The following ATE1 variants were observed in gnomAD, a reference collection of about 807,000 sequenced individuals.
ATE1 encodes arginyl-tRNA--protein transferase 1.
Under a neutral mutation model 70.5 loss-of-function variants are expected in ATE1, and 36 were observed. That is an observed-to-expected ratio of 0.51 (90% CI 0.39 to 0.67). ATE1 has a LOEUF of 0.67. ATE1 is among the 30% of genes least tolerant of loss of function. ATE1 has a pLI of 0.00. For synonymous variants in ATE1, 232 were observed against 219.3 expected, an observed-to-expected ratio of 1.06 and a Z score of -0.51; for missense variants, 593 against 629.5, an observed-to-expected ratio of 0.94 and a Z score of 0.62.
chr10:121,779,426 A>G (rs1280445270), intron 11 of ATE1, among the ~76,000 whole-genome samples: 3 of 152,168 alleles, frequency 2.0e-5, no homozygotes, highest in African/African-American at 7.2e-5. Flanking sequence ...CTTCAATGGA[A>G]AGAGAAAAGG....
intron 10 of ATE1, among the ~76,000 whole-genome samples, chr10:121,794,288 T>C (rs1376583395): frequency 6.6e-6 from 1 of 152,196 alleles, no homozygotes; most frequent in Non-Finnish European, 1.5e-5. Flanking sequence ...TTTTACTTAA[T>C]TGTTCTAGGA....
At chr10:121,763,665 T>C (rs1385760471) in intron 11 of ATE1, among the ~76,000 whole-genome samples, 1 of 152,146 alleles carries the variant, frequency 6.6e-6, no homozygotes, top group Non-Finnish European at 1.5e-5. Context: ...CTCTGTAGGA[T>C]ACACGTCATA....
rs558803213 is a variant in ATE1 at position 121,918,552 on chromosome 10, T to C, written c.233+3797A>G. Among the ~76,000 whole-genome samples, 20 of 152,278 alleles carry C rather than the reference T, an allele frequency of 1.3e-4. No individual in the cohort carries two copies. The East Asian group carries it at 3.9e-3, about 29-fold the overall frequency. On this transcript the variant is annotated intron_variant, in intron 3 of 11. Coordinates refer to ENST00000224652, the MANE Select transcript of ATE1 (RefSeq NM_001001976.3). Reference sequence around the variant, plus strand: ...TTCTTTAACCAATCGAAATCACCCTTTTCTGATCACAGATTAAGCCAATCA... The same window carrying C: ...TTCTTTAACCAATCGAAATCACCCTCTTCTGATCACAGATTAAGCCAATCA...
chr10:121,837,641 T>C (rs998686052), intron 9 of ATE1, among the ~76,000 whole-genome samples: 3 of 152,238 alleles, frequency 2.0e-5, no homozygotes, highest in Non-Finnish European at 4.4e-5. Context: ...AAGAAATGTA[T>C]TTGTAATGCA....
intron 8 of ATE1, among the ~76,000 whole-genome samples, chr10:121,844,349 T>A (rs1948739284): frequency 6.6e-6 from 1 of 152,218 alleles, no homozygotes; most frequent in African/African-American, 2.4e-5. Context: ...GAAAAGATGC[T>A]CAATATCACT....
At chr10:121,858,690 T>C (rs1328476878) in intron 8 of ATE1, among the ~76,000 whole-genome samples, 2 of 31,188 alleles carry the variant, frequency 6.4e-5, no homozygotes, top group Non-Finnish European at 1.5e-4. Context: ...TTTTTATATA[T>C]TATATTTTTT....
chr10:121,928,075 C>CGCAGGCCCG, upstream of ATE1: 3 of 1,207,184 alleles, frequency 2.5e-6, no homozygotes, highest in Non-Finnish European at 3.1e-6. Flanking sequence ...CTCGGGCGCC[C>CGCAGGCCCG]GCAGGCCCGG....
Position 121,743,603 on chromosome 10 carries a change from T to C in ATE1, c.*77A>G. ...TAATTTGTGGGTGGTGACAGTTATT[T>C]CCCCACAGGTACTGAATATGTATCC... On this transcript the variant is annotated 3_prime_UTR_variant, in exon 12 of 12. Transcript: ENST00000224652. 2 of 1,434,068 alleles carry C rather than the reference T, an allele frequency of 1.4e-6. No individual in the cohort carries two copies. Among genetic ancestry groups the C allele is most frequent in the South Asian group, 3.3e-5 (2 of 60,368 alleles). The allele number at this position is 1,434,068 out of a possible 1,614,324, so 88.8% of individuals were successfully genotyped here.
In ATE1 at chr10:121,774,318, G is replaced by C. The variant is rs117123576; in HGVS notation, c.1378+15851C>G. 3.2e-4 allele frequency among the ~76,000 whole-genome samples: 49 copies of C among 152,246 alleles called. No individual in the cohort carries two copies. The East Asian group carries it at 7.7e-3, about 24-fold the overall frequency. ...GTTGAAATATACTTATTTACATTCA[G>C]TTAGTATATCATGGTATCTAATCCC... On this transcript the variant is annotated intron_variant, in intron 11 of 11. Coordinates refer to ENST00000224652, the MANE Select transcript of ATE1 (RefSeq NM_001001976.3).
chr10:121,893,043 C>T (rs1034209851), intron 7 of ATE1, among the ~76,000 whole-genome samples: 1 of 151,980 alleles, frequency 6.6e-6, no homozygotes, highest in East Asian at 1.9e-4. Flanking sequence ...CTTGGGAGGC[C>T]GAGGCAGACA....
chr10:121,804,503 T>C (rs182731601), intron 10 of ATE1, among the ~76,000 whole-genome samples: 83 of 152,312 alleles, frequency 5.4e-4, no homozygotes, highest in African/African-American at 1.9e-3. Context: ...CTTCCAGATG[T>C]GGGAAAAGTA....
chr10:121,818,010 G>A lies in ATE1; in HGVS notation c.1257+18708C>T, dbSNP rs547248657. 2.0e-5 allele frequency among the ~76,000 whole-genome samples: 3 copies of A among 152,004 alleles called. No individual in the cohort carries two copies. The East Asian group carries it at 5.8e-4, about 29-fold the overall frequency. ...AAAGTTAACAATAAGGATAGTTAAG[G>A]CTGGGCACAGTGGCTTATGCCTATA... On this transcript the variant is annotated intron_variant, in intron 10 of 11. Coordinates refer to ENST00000224652, the MANE Select transcript of ATE1 (RefSeq NM_001001976.3).
At chr10:121,750,883 CA>C (rs200886689) in intron 11 of ATE1, among the ~76,000 whole-genome samples, 1,577 of 152,254 alleles carry the variant, frequency 0.01, 11 homozygotes, top group African/African-American at 0.027. Context: ...AAATACTCTA[CA>C]AAAACGCAAC....
At chr10:121,895,480 G>A (rs1950744768) in intron 7 of ATE1, among the ~76,000 whole-genome samples, 1 of 151,990 alleles carries the variant, frequency 6.6e-6, no homozygotes, top group African/African-American at 2.4e-5. Context: ...CAGGTGTGGT[G>A]GTGGGCACCT....
intron 10 of ATE1, among the ~76,000 whole-genome samples, chr10:121,804,712 A>G (rs1341748528): frequency 6.7e-6 from 1 of 148,564 alleles, no homozygotes; most frequent in African/African-American, 2.5e-5. Flanking sequence ...CGCAGCACAC[A>G]TTCTAGCAAC....
intron 3 of ATE1, among the ~76,000 whole-genome samples, chr10:121,918,332 C>CAA (rs1256639168): frequency 1.3e-4 from 10 of 79,780 alleles, no homozygotes; most frequent in South Asian, 3.9e-4. Flanking sequence ...GATTCTGTCT[C>CAA]AAAAAAAAAA....
At chr10:121,818,128 A>G (rs1299405863) in intron 10 of ATE1, among the ~76,000 whole-genome samples, 1 of 151,818 alleles carries the variant, frequency 6.6e-6, no homozygotes, top group Non-Finnish European at 1.5e-5. Flanking sequence ...GCCGGGAATG[A>G]TGGTGTGTGC....
intron 10 of ATE1, among the ~76,000 whole-genome samples, chr10:121,807,134 AG>A (rs1220830790): frequency 6.6e-6 from 1 of 152,230 alleles, no homozygotes; most frequent in Non-Finnish European, 1.5e-5. Flanking sequence ...CCTCAGTAAA[AG>A]CTAGCTGAAT....
intron 10 of ATE1, among the ~76,000 whole-genome samples, chr10:121,836,059 C>T (rs537476636): frequency 6.6e-6 from 1 of 152,260 alleles, no homozygotes; most frequent in Admixed American, 6.5e-5. Context: ...CTTTCCTCTA[C>T]AAATACATCA....
Sources: allele counts gnomAD v4.1 joint callset (sites outside exome capture counted in the v4.1 genomes callset), GRCh38; gene constraint gnomAD v4.1.1; transcripts MANE v1.5; gene names NCBI Gene and HGNC (gene_info 2026-07-23, HGNC 2026-07-21).